The following TMEM51 variants were observed in gnomAD, a reference collection of about 807,000 sequenced individuals.
The protein encoded by TMEM51 is chromosome 1 open reading frame 72.
A neutral mutation model predicts 13.6 loss-of-function variants in TMEM51; 8 were observed. The observed-to-expected ratio is 0.59, with a 90% CI of 0.35 to 1.07. The LOEUF (loss-of-function observed/expected upper bound fraction) is 1.07, where lower values mean the gene tolerates loss of function less well. Ranked by LOEUF, TMEM51 falls within the 50% of genes least tolerant of loss-of-function variation. TMEM51 has a pLI of 0.02. For synonymous variants in TMEM51, 147 were observed against 144.4 expected (o/e 1.02, Z -0.13); for missense variants, 279 against 330.7 (o/e 0.84, Z 1.21).
chr1:15,167,326 C>CAAAAAAAAAA (rs555274126), intron 1 of TMEM51, among the ~76,000 whole-genome samples: 3 of 69,448 alleles, frequency 4.3e-5, no homozygotes, highest in Non-Finnish European at 8.5e-5. Flanking sequence ...GACTCCATCT[C>CAAAAAAAAAA]AAAAAAAAAA....
At chr1:15,178,187 C>T (rs866746471) in intron 1 of TMEM51, among the ~76,000 whole-genome samples, 1 of 56,200 alleles carries the variant, frequency 1.8e-5, no homozygotes, top group Non-Finnish European at 4.3e-5. Flanking sequence ...GCTAGGTGAG[C>T]AGGGGTGGAA....
At chr1:15,193,575 C>CTTTCTTTTTTTTTTTTT (rs1249772503) in intron 1 of TMEM51, among the ~76,000 whole-genome samples, 1 of 114,656 alleles carries the variant, frequency 8.7e-6, no homozygotes, top group African/African-American at 3.6e-5. Flanking sequence ...TTCTTTCTTT[C>CTTTCTTTTTTTTTTTTT]TTTTTTTTTT....
chr1:15,156,851 C>T (rs1028727593), intron 1 of TMEM51, among the ~76,000 whole-genome samples: 1 of 152,184 alleles, frequency 6.6e-6, no homozygotes, highest in African/African-American at 2.4e-5. Context: ...TACTTTAACC[C>T]AGGAGACCTG....
At chr1:15,154,621 A>G (rs1042965322) in intron 1 of TMEM51, among the ~76,000 whole-genome samples, 1 of 151,870 alleles carries the variant, frequency 6.6e-6, no homozygotes, top group Non-Finnish European at 1.5e-5. Flanking sequence ...CCTAGGGGAG[A>G]GCAGAGTACA....
chr1:15,153,020 G>A (rs928458372), upstream of TMEM51, among the ~76,000 whole-genome samples: 1 of 152,226 alleles, frequency 6.6e-6, no homozygotes, highest in African/African-American at 2.4e-5. Flanking sequence ...GCAAGAACCC[G>A]GAATGGGCCC....
chr1:15,164,784 G>C (rs1642926175), intron 1 of TMEM51, among the ~76,000 whole-genome samples: 1 of 144,676 alleles, frequency 6.9e-6, no homozygotes, highest in Non-Finnish European at 1.5e-5. Flanking sequence ...CCATGCGGGA[G>C]CTTTGCTTTT....
chr1:15,207,169 A>C lies in TMEM51; in HGVS notation c.-266-3321A>C, dbSNP rs1034454679. Among the ~76,000 whole-genome samples, 1 of 152,196 alleles carries C rather than the reference A, an allele frequency of 6.6e-6. No homozygotes were observed. Among genetic ancestry groups the C allele is most frequent in the African/African-American group, 2.4e-5 (1 of 41,470 alleles). On this transcript the variant is annotated intron_variant, in intron 1 of 3. Coordinates refer to ENST00000376008, the MANE Select transcript of TMEM51 (RefSeq NM_001136218.2). This position sits in a 1 kb window ranked among gnomAD's most constrained non-coding sequence, Gnocchi z 4.6. ...CAGCTTGGCAGGAAGAGGTCGGTGC[A>C]GGGAGAATGCTCAAGGAGCCCCTCT...
At chr1:15,204,320 G>A (rs1356605406) in intron 1 of TMEM51, among the ~76,000 whole-genome samples, 4 of 152,246 alleles carry the variant, frequency 2.6e-5, no homozygotes, top group South Asian at 2.1e-4. Flanking sequence ...TTGGGAGGCC[G>A]AGGCGGACGG....
chr1:15,159,269 C>A (rs911809078), intron 1 of TMEM51, among the ~76,000 whole-genome samples: 30 of 152,298 alleles, frequency 2.0e-4, no homozygotes, highest in African/African-American at 7.0e-4. Flanking sequence ...AGGCTGGGGC[C>A]TTTGCTGCAG....
chr1:15,178,608 A>G (rs908571276), intron 1 of TMEM51, among the ~76,000 whole-genome samples: 1 of 152,104 alleles, frequency 6.6e-6, no homozygotes, highest in African/African-American at 2.4e-5. Flanking sequence ...ATCTCCTTTT[A>G]TATACCTCAT....
intron 1 of TMEM51, among the ~76,000 whole-genome samples, chr1:15,185,600 C>T (rs544105745): frequency 1.3e-5 from 2 of 152,290 alleles, no homozygotes; most frequent in East Asian, 3.9e-4. Flanking sequence ...TTTTCTTGGT[C>T]GTGTCTATAT....
chr1:15,188,014 A>T (rs1272132141), intron 1 of TMEM51, among the ~76,000 whole-genome samples: 2 of 152,172 alleles, frequency 1.3e-5, no homozygotes. Flanking sequence ...AAGGGGGGGT[A>T]GGTTTTGTTT....
intron 1 of TMEM51, among the ~76,000 whole-genome samples, chr1:15,187,261 C>T (rs1433169639): frequency 6.6e-6 from 1 of 151,378 alleles, no homozygotes; most frequent in Non-Finnish European, 1.5e-5. Flanking sequence ...TCTTAATTCG[C>T]CCTGTTGCCA....
intron 1 of TMEM51, among the ~76,000 whole-genome samples, chr1:15,165,522 A>G (rs1642964608): frequency 6.6e-6 from 1 of 152,150 alleles, no homozygotes; most frequent in Non-Finnish European, 1.5e-5. Context: ...TAAACTGGAG[A>G]ACAGTCTGAA....
intron 1 of TMEM51, among the ~76,000 whole-genome samples, chr1:15,178,194 G>A (rs530905847): frequency 3.8e-5 from 3 of 78,196 alleles, no homozygotes; most frequent in Non-Finnish European, 8.8e-5. Context: ...GAGCAGGGGT[G>A]GAAGAGGGAT....
At position 15,211,296 on chromosome 1, in the gene TMEM51, C is replaced by T. The variant is rs565215132; in HGVS notation, c.-194+734C>T. On this transcript the variant is annotated intron_variant, in intron 2 of 3. Transcript: ENST00000376008. ...TTAATGCCAAGGATGCCCTGTGTATCTATTTATATTCTGTGGCCCTGTGGA... is the reference window on the plus strand; with the variant it reads ...TTAATGCCAAGGATGCCCTGTGTATTTATTTATATTCTGTGGCCCTGTGGA... Among the ~76,000 whole-genome samples the T allele has an allele frequency of 5.3e-5, 8 of 152,278 alleles. No homozygotes were observed. The South Asian group carries it at 1.7e-3, about 32-fold the overall frequency.
chr1:15,208,078 A>G (rs959231956), intron 1 of TMEM51, among the ~76,000 whole-genome samples: 1 of 152,194 alleles, frequency 6.6e-6, no homozygotes, highest in African/African-American at 2.4e-5. Context: ...CAGGCAGTGG[A>G]CAAGACAGAC....
At chr1:15,170,094 A>G (rs879366300) in intron 1 of TMEM51, among the ~76,000 whole-genome samples, 1 of 152,220 alleles carries the variant, frequency 6.6e-6, no homozygotes, top group Non-Finnish European at 1.5e-5. Flanking sequence ...TGAAGATTCA[A>G]CTATAAATGT....
intron 1 of TMEM51, among the ~76,000 whole-genome samples, chr1:15,191,667 C>G (rs1280242326): frequency 6.6e-6 from 1 of 152,202 alleles, no homozygotes; most frequent in Admixed American, 6.5e-5. Context: ...TCTTCCTCCT[C>G]CTCAGCCTCC....
Sources: allele counts gnomAD v4.1 joint callset (sites outside exome capture counted in the v4.1 genomes callset), GRCh38; gene constraint gnomAD v4.1.1; non-coding constraint Gnocchi (gnomAD v3.1); transcripts MANE v1.5; gene names NCBI Gene and HGNC (gene_info 2026-07-23, HGNC 2026-07-21).